WDR64: variants seen among roughly 807,000 people sequenced by gnomAD.
WDR64 encodes the protein WD repeat domain 64, also known as WD repeat-containing protein 64.
In WDR64, 112 loss-of-function variants were observed where a neutral mutation model predicts 139.3. That is an observed-to-expected ratio of 0.80 (90% CI 0.69 to 0.94). The LOEUF (loss-of-function observed/expected upper bound fraction) is 0.94. Among genes scored for constraint, WDR64 ranks in the 40% least tolerant of loss-of-function variants. The pLI, the probability that WDR64 is intolerant of heterozygous loss-of-function variation, is 0.00. For synonymous variants in WDR64, 444 were observed against 437.7 expected (o/e 1.01, Z -0.18); for missense variants, 1,206 against 1,293.1 (o/e 0.93, Z 1.03).
chr1:241,772,946 C>T lies in WDR64; in HGVS notation c.2430+15C>T. The T allele has an allele frequency of 6.5e-7, 1 of 1,545,392 alleles. No homozygotes were observed. Among genetic ancestry groups the T allele is most frequent in the Non-Finnish European group, 8.7e-7 (1 of 1,143,734 alleles). On this transcript the variant is annotated intron_variant, in intron 20 of 27. Transcript: ENST00000437684. ...GGACTCTGGAGGTAATGGAACCCAGCAAGTCTGGGAATAGGAAAGAATGGG... is the reference window on the plus strand; with the variant it reads ...GGACTCTGGAGGTAATGGAACCCAGTAAGTCTGGGAATAGGAAAGAATGGG...
rs904748374 is a variant in WDR64 at position 241,674,695 on chromosome 1, A to G, written c.431A>G (p.Asp144Gly). 1 of 1,550,328 alleles carries G rather than the reference A, an allele frequency of 6.5e-7. No individual in the cohort carries two copies. The highest frequency in any genetic ancestry group is 8.7e-7 in the Non-Finnish European group (1 of 1,146,232). Residue 144 changes from aspartate (D) to glycine (G), a missense_variant, in exon 4 of 28, where the codon GAT becomes GGT. Coordinates refer to ENST00000437684, the MANE Select transcript of WDR64 (RefSeq NM_001367482.1). The part of the protein sequence containing the change: ...IKSIVKIPHL[D>G]LLITATQKGL... ...AGCATTGTCAAGATACCTCACCTGG[A>G]TTTACTAATAACAGCTACTCAGAAA...
At chr1:241,762,308 T>G (rs1234852840) in intron 15 of WDR64, among the ~76,000 whole-genome samples, 1 of 152,116 alleles carries the variant, frequency 6.6e-6, no homozygotes, top group African/African-American at 2.4e-5. Context: ...AAGGAATCTT[T>G]TTTTTTTCTG....
intron 8 of WDR64, among the ~76,000 whole-genome samples, chr1:241,702,178 G>A (rs1667742203): frequency 6.6e-6 from 1 of 152,168 alleles, no homozygotes; most frequent in Non-Finnish European, 1.5e-5. Context: ...CAAGAGATAT[G>A]CAACTAACTA....
At chr1:241,782,943 C>A (rs1658902582) in intron 22 of WDR64, among the ~76,000 whole-genome samples, 1 of 152,176 alleles carries the variant, frequency 6.6e-6, no homozygotes, top group Non-Finnish European at 1.5e-5. Context: ...CCCCCTCCAA[C>A]CTTCTCCTAA....
At position 241,703,454 on chromosome 1, in the gene WDR64, CA is replaced by C. The variant is rs567222612; in HGVS notation, c.975-8343del. Among the ~76,000 whole-genome samples the C allele has an allele frequency of 9.6e-3, 1,369 of 142,422 alleles. 19 individuals are homozygous for C. The highest frequency in any genetic ancestry group is 0.033 in the African/African-American group (1,299 of 38,904). 93.4% of individuals were successfully genotyped at this position (142,422 alleles called of 152,430 possible). On this transcript the variant is annotated intron_variant, in intron 8 of 27. Transcript: ENST00000437684. This position sits in a 1 kb window ranked among gnomAD's most constrained non-coding sequence, Gnocchi z 5.9. ...AGGGACTTTTGATAGGGGACTCTATCAAAAAGTTTTTTTTTTTTTTCTGTTT... is the reference window on the plus strand; with the variant it reads ...AGGGACTTTTGATAGGGGACTCTATCAAAAGTTTTTTTTTTTTTTCTGTTT...
chr1:241,779,945 G>A, intron 21 of WDR64, 59 bp from the exon 22 acceptor site: 3 of 1,315,412 alleles, frequency 2.3e-6, no homozygotes, highest in Non-Finnish European at 2.1e-6. Flanking sequence ...CTTTTGGATA[G>A]TATTGATTTA....
chr1:241,677,431 A>G (rs1666599816), intron 4 of WDR64: 2 of 398,520 alleles, frequency 5.0e-6, no homozygotes, highest in Non-Finnish European at 8.8e-6. Context: ...GATCTCTCTG[A>G]TCTACTTTCT....
intron 2 of WDR64, among the ~76,000 whole-genome samples, chr1:241,665,238 T>C (rs1346791134): frequency 6.6e-6 from 1 of 152,196 alleles, no homozygotes; most frequent in Non-Finnish European, 1.5e-5. Context: ...AATGTTCTTC[T>C]TTTATTGTCC....
At chr1:241,773,735 C>T (rs1470342549) in intron 20 of WDR64, among the ~76,000 whole-genome samples, 3 of 152,006 alleles carry the variant, frequency 2.0e-5, no homozygotes, top group African/African-American at 4.8e-5. Flanking sequence ...CAAAGTGCTG[C>T]GATTACAGGC....
intron 8 of WDR64, among the ~76,000 whole-genome samples, chr1:241,699,817 T>C (rs1282881614): frequency 1.3e-5 from 2 of 152,096 alleles, no homozygotes; most frequent in African/African-American, 4.8e-5. Context: ...TTGGGAAAGA[T>C]GAGGCTAGAC....
intron 8 of WDR64, among the ~76,000 whole-genome samples, chr1:241,709,187 C>A (rs1668073142): frequency 6.6e-6 from 1 of 152,142 alleles, no homozygotes; most frequent in African/African-American, 2.4e-5. Context: ...AATCATAAAT[C>A]TGCATCCTCC....
chr1:241,739,274 T>A (rs1373574432), intron 11 of WDR64, among the ~76,000 whole-genome samples: 2 of 152,180 alleles, frequency 1.3e-5, no homozygotes, highest in African/African-American at 2.4e-5. Context: ...AGGATAAAAA[T>A]GCATTATATT....
At chr1:241,769,785 T>C (rs1658350514) in intron 17 of WDR64, among the ~76,000 whole-genome samples, 1 of 152,078 alleles carries the variant, frequency 6.6e-6, no homozygotes. Flanking sequence ...GCACCCTTTA[T>C]CACATAGCAG....
chr1:241,724,623 A>G (rs1668731140), intron 10 of WDR64, among the ~76,000 whole-genome samples: 1 of 152,230 alleles, frequency 6.6e-6, no homozygotes, highest in South Asian at 2.1e-4. Context: ...TATGAATTAA[A>G]GATTTTAAAT....
intron 10 of WDR64, among the ~76,000 whole-genome samples, chr1:241,726,009 G>A (rs1668820324): frequency 6.6e-6 from 1 of 151,514 alleles, no homozygotes; most frequent in African/African-American, 2.4e-5. Context: ...GCCACCGTAC[G>A]AAGCTAATTA....
intron 22 of WDR64, among the ~76,000 whole-genome samples, chr1:241,781,229 T>C (rs548005382): frequency 9.2e-5 from 14 of 152,328 alleles, no homozygotes; most frequent in Admixed American, 9.2e-4. Flanking sequence ...AGAATAATAT[T>C]GAGTTACAAA....
At position 241,652,621 on chromosome 1, in the gene WDR64, A is replaced by G. The variant is rs1665404296; in HGVS notation, c.137A>G (p.His46Arg). The G allele has an allele frequency of 1.3e-6, 2 of 1,551,580 alleles. No homozygotes were observed. The highest frequency in any genetic ancestry group is 2.0e-5 in the Admixed American group (1 of 50,980). The change falls in exon 1 of 28, where the codon CAT becomes CGT. Residue 46 changes from histidine (H) to arginine (R), a missense_variant. By Grantham distance (29) the His-to-Arg change is conservative. Coordinates refer to ENST00000437684, the MANE Select transcript of WDR64 (RefSeq NM_001367482.1). ...GATGAAAGAGCAGGCTTATTTATCC[A>G]TAAAGAAGGTAAGATCAGTGATTAC... ...KRDERAGLFIHKEDAIGYDKF... is the reference protein window; with the variant it reads ...KRDERAGLFIRKEDAIGYDKF...
intron 25 of WDR64, 131 bp from the exon 26 acceptor site, chr1:241,795,076 A>T (rs1558528226): frequency 2.9e-6 from 2 of 695,152 alleles, no homozygotes; most frequent in South Asian, 1.9e-5. Context: ...TTTGATTCTC[A>T]TAACTAGGTA....
intron 14 of WDR64, among the ~76,000 whole-genome samples, chr1:241,755,490 T>G (rs1458205758): frequency 6.6e-6 from 1 of 152,208 alleles, no homozygotes; most frequent in Non-Finnish European, 1.5e-5. Flanking sequence ...ATTGCAAAAT[T>G]TTCTCCCATT....
Sources: gnomAD v4.1 joint callset for allele counts (sites outside exome capture counted in the v4.1 genomes callset) on GRCh38, gnomAD v4.1.1 for gene constraint, Gnocchi (gnomAD v3.1) non-coding constraint, MANE v1.5 for transcripts, NCBI Gene and HGNC (gene_info 2026-07-23, HGNC 2026-07-21) for gene names.